The following NEDD4 variants were observed in gnomAD, a reference collection of about 807,000 sequenced individuals.
The protein encoded by NEDD4 is NEDD4 E3 ubiquitin protein ligase.
Under a neutral mutation model 144.9 loss-of-function variants are expected in NEDD4, and 99 were observed. The ratio of observed to expected loss-of-function variants is 0.68; its 90% CI spans 0.58 to 0.81. NEDD4 has a LOEUF of 0.81. Ranked by LOEUF, NEDD4 falls within the 30% of genes least tolerant of loss-of-function variation. The probability of loss-of-function intolerance (pLI) is 0.00; values close to 1 mark genes in which losing one functional copy is unlikely to be tolerated. For missense variants in NEDD4, 985 were observed against 1,065.9 expected (o/e 0.92, Z 1.06); for synonymous variants, 318 against 350.6 (o/e 0.91, Z 1.04).
At chr15:55,837,950 G>C (rs2141972718) in intron 23 of NEDD4, 101 bp from the exon 24 acceptor site, 1 of 1,017,370 alleles carries the variant, frequency 9.8e-7, no homozygotes, top group African/African-American at 1.6e-5. Context: ...CTGAGACCAA[G>C]GTAAAAGCTG....
intron 12 of NEDD4, among the ~76,000 whole-genome samples, 182 bp from the exon 13 acceptor site, chr15:55,852,725 T>TATATATATATATATA (rs2034040939): frequency 7.4e-6 from 1 of 134,504 alleles, no homozygotes; most frequent in African/African-American, 3.2e-5. Context: ...ATATATATAT[T>TATATATATATATATA]TACCTTTTCT....
At chr15:55,983,038 C>T (rs1232017226) in intron 1 of NEDD4, among the ~76,000 whole-genome samples, 1 of 152,028 alleles carries the variant, frequency 6.6e-6, no homozygotes, top group African/African-American at 2.4e-5. Context: ...AGGAGAATCA[C>T]TTGAACCCAG....
intron 4 of NEDD4, among the ~76,000 whole-genome samples, chr15:55,941,567 CT>C (rs774423759): frequency 0.021 from 2,958 of 139,926 alleles, 58 homozygotes; most frequent in African/African-American, 0.066. Flanking sequence ...TGTTAAATTT[CT>C]TTTTTTTTTT....
intron 6 of NEDD4, among the ~76,000 whole-genome samples, chr15:55,873,281 A>T (rs1450270078): frequency 2.6e-5 from 4 of 152,142 alleles, no homozygotes; most frequent in African/African-American, 9.7e-5. Flanking sequence ...GATAACACTC[A>T]ATCCTTCCAG....
chr15:55,915,836 A>G lies in NEDD4; in HGVS notation c.291+8810T>C. 5 of 1,613,872 alleles carry G rather than the reference A, an allele frequency of 3.1e-6. No homozygotes were observed. The South Asian group carries it at 4.4e-5, about 14-fold the overall frequency. On this transcript the variant is annotated intron_variant, in intron 5 of 28. Coordinates refer to ENST00000435532, the MANE Select transcript of NEDD4 (RefSeq NM_006154.4). ...TGTCTCTTACTTCTCCGGGGGTACA[A>G]ATTGTTTTAGATAACCGAAGTCCAT...
At chr15:55,904,443 C>T (rs749896315) in intron 5 of NEDD4, among the ~76,000 whole-genome samples, 4 of 151,962 alleles carry the variant, frequency 2.6e-5, no homozygotes, top group Non-Finnish European at 4.4e-5. Flanking sequence ...GCTGGGATTA[C>T]AGGCGTGCAC....
rs138242255 is a variant in NEDD4, at chr15:55,863,789, T to C, written c.508-710A>G. On this transcript the variant is annotated intron_variant, in intron 8 of 28. Coordinates refer to ENST00000435532, the MANE Select transcript of NEDD4 (RefSeq NM_006154.4). Reference sequence around the variant, plus strand: ...TACAGAGAAAGCACCTTGCTTACGGTAGAAATCAATAACTATCTGACACAT... The same window carrying C: ...TACAGAGAAAGCACCTTGCTTACGGCAGAAATCAATAACTATCTGACACAT... Among the ~76,000 whole-genome samples the C allele has an allele frequency of 2.6e-3, 401 of 152,304 alleles. 1 individual carries two copies. The highest frequency in any genetic ancestry group is 9.3e-3 in the African/African-American group (385 of 41,564).
intron 14 of NEDD4, 31 bp from the exon 15 acceptor site, chr15:55,848,917 CA>C: frequency 6.5e-7 from 1 of 1,532,380 alleles, no homozygotes; most frequent in Non-Finnish European, 9.0e-7. Context: ...AAGAACAATA[CA>C]CACAAATTTT....
chr15:55,913,138 G>A (rs2036327762), intron 5 of NEDD4, among the ~76,000 whole-genome samples: 1 of 152,052 alleles, frequency 6.6e-6, no homozygotes, highest in Non-Finnish European at 1.5e-5. Flanking sequence ...CCAAAGCAGT[G>A]ATTTAATTTC....
chr15:55,872,812 T>C (rs746514808), intron 6 of NEDD4, among the ~76,000 whole-genome samples: 17 of 151,968 alleles, frequency 1.1e-4, no homozygotes, highest in Non-Finnish European at 5.9e-5. Context: ...CAGGCTGGCT[T>C]GGTTAGAGCA....
intron 5 of NEDD4, chr15:55,916,740 A>G: frequency 6.2e-7 from 1 of 1,614,052 alleles, no homozygotes; most frequent in East Asian, 2.2e-5. Context: ...GCACATGTGA[A>G]CATGGCTATC....
chr15:55,842,383 C>A (rs1178847920), intron 18 of NEDD4, among the ~76,000 whole-genome samples: 3 of 152,066 alleles, frequency 2.0e-5, no homozygotes, highest in Non-Finnish European at 4.4e-5. Context: ...ATATAGACTT[C>A]TTTACATCTG....
In NEDD4 at chr15:55,915,314, A is replaced by G. The variant is rs75025094; in HGVS notation, c.291+9332T>C. 1,612 of 1,602,006 alleles carry G rather than the reference A, an allele frequency of 1.0e-3. 17 individuals carry two copies. In the African/African-American group the frequency reaches 0.02, roughly 20 times the overall value. On this transcript the variant is annotated intron_variant, in intron 5 of 28. Coordinates refer to ENST00000435532, the MANE Select transcript of NEDD4 (RefSeq NM_006154.4). ...AAGAATTAGACAGTTCATTTGTGCA[A>G]TCTCTGTTGCTGTCTCTTGATAAAT...
intron 9 of NEDD4, among the ~76,000 whole-genome samples, chr15:55,861,726 T>C (rs554345298): frequency 4.9e-4 from 75 of 152,138 alleles, no homozygotes; most frequent in Non-Finnish European, 9.3e-4. Context: ...CTTACCCCAG[T>C]CATTTATATT....
intron 5 of NEDD4, among the ~76,000 whole-genome samples, chr15:55,913,540 G>T (rs112113638): frequency 2.6e-5 from 4 of 151,784 alleles, no homozygotes; most frequent in African/African-American, 9.7e-5. Context: ...TAAACGGGGG[G>T]ACAATTTAAA....
chr15:55,874,363 AGT>A (rs534648402), intron 5 of NEDD4, among the ~76,000 whole-genome samples: 88 of 152,244 alleles, frequency 5.8e-4, no homozygotes, highest in African/African-American at 2.1e-3. Context: ...TTCCTCTAGT[AGT>A]ATTCTACAGT....
intron 4 of NEDD4, among the ~76,000 whole-genome samples, chr15:55,937,937 C>A (rs1235780858): frequency 6.6e-6 from 1 of 152,124 alleles, no homozygotes; most frequent in Non-Finnish European, 1.5e-5. Flanking sequence ...GTAATTAAAA[C>A]AGTATGACAC....
intron 14 of NEDD4, 45 bp downstream of exon 14, chr15:55,850,494 AGAT>A (rs1310424584): frequency 1.3e-6 from 2 of 1,554,110 alleles, no homozygotes; most frequent in Non-Finnish European, 1.8e-6. Context: ...TATACATAAG[AGAT>A]GATTATTGTT....
At chr15:55,863,186 A>C in intron 8 of NEDD4, 107 bp from the exon 9 acceptor site, 1 of 947,778 alleles carries the variant, frequency 1.1e-6, no homozygotes, top group Non-Finnish European at 1.5e-6. Context: ...AAGTTTTAGA[A>C]ATTATGCATA....
Sources: gnomAD v4.1 joint callset for allele counts (sites outside exome capture counted in the v4.1 genomes callset) on GRCh38, gnomAD v4.1.1 for gene constraint, MANE v1.5 for transcripts, NCBI Gene and HGNC (gene_info 2026-07-23, HGNC 2026-07-21) for gene names.